BTRC: variants seen among roughly 807,000 people sequenced by gnomAD.
BTRC encodes the protein beta-transducin repeat containing E3 ubiquitin protein ligase.
Under a neutral mutation model 85.5 loss-of-function variants are expected in BTRC, and 42 were observed. The ratio of observed to expected loss-of-function variants is 0.49; its 90% CI spans 0.38 to 0.64. BTRC has a LOEUF of 0.64. Ranked by LOEUF, BTRC falls within the 30% of genes least tolerant of loss-of-function variation. BTRC has a pLI of 0.00. For synonymous variants in BTRC, 255 were observed against 263.3 expected (o/e 0.97, Z 0.30); for missense variants, 594 against 743.5 (o/e 0.80, Z 2.34).
chr10:101,503,040 A>G (rs1225817241), intron 4 of BTRC, among the ~76,000 whole-genome samples: 1 of 152,184 alleles, frequency 6.6e-6, no homozygotes, highest in Non-Finnish European at 1.5e-5. Flanking sequence ...TAAGTATTGT[A>G]ACTATCACCA....
chr10:101,497,045 T>C (rs1046039374), intron 4 of BTRC, among the ~76,000 whole-genome samples: 7 of 152,248 alleles, frequency 4.6e-5, no homozygotes. Flanking sequence ...ATCTAGTTTT[T>C]ATGGTTTTAC....
chr10:101,476,162 G>T (rs1945681920), intron 3 of BTRC, among the ~76,000 whole-genome samples: 2 of 151,678 alleles, frequency 1.3e-5, no homozygotes, highest in Admixed American at 6.6e-5. Context: ...CCAACTTGAG[G>T]CACAGTCTGT....
At chr10:101,552,835 C>T (rs2062673049) in intron 14 of BTRC, among the ~76,000 whole-genome samples, 2 of 152,196 alleles carry the variant, frequency 1.3e-5, no homozygotes, top group Admixed American at 1.3e-4. Flanking sequence ...CAGACCATCC[C>T]CCACCCCTGC....
chr10:101,354,573 G>A, intron 1 of BTRC: 1 of 330,670 alleles, frequency 3.0e-6, no homozygotes, highest in Non-Finnish European at 5.5e-6. Context: ...AACGCCGTGA[G>A]GCCGCTGGCG....
At chr10:101,525,249 G>A (rs371019287) in intron 5 of BTRC, among the ~76,000 whole-genome samples, 1 of 152,108 alleles carries the variant, frequency 6.6e-6, no homozygotes, top group Non-Finnish European at 1.5e-5. Context: ...CCCAAGATCT[G>A]TTCTCCACTG....
chr10:101,531,360 T>G, intron 7 of BTRC, 27 bp downstream of exon 7: 2 of 1,491,892 alleles, frequency 1.3e-6, no homozygotes, highest in Non-Finnish European at 1.9e-6. Context: ...TTTGGGGTAT[T>G]GCCCAAGGGC....
chr10:101,424,600 C>T lies in BTRC; in HGVS notation c.49-5745C>T, dbSNP rs929444857. Among the ~76,000 whole-genome samples, 9 of 152,280 alleles carry T rather than the reference C, an allele frequency of 5.9e-5. 1 individual carries two copies. Among genetic ancestry groups the T allele is most frequent in the East Asian group, 5.8e-4 (3 of 5,186 alleles). ...TTAGGAGATTTTGTCATTCAGCTTT[C>T]GTATAGTAAATGCTGAGGCTAGCCC... On this transcript the variant is annotated intron_variant, in intron 1 of 14. Transcript: ENST00000370187.
chr10:101,539,082 A>G (rs1463514327), intron 13 of BTRC, among the ~76,000 whole-genome samples: 2 of 151,192 alleles, frequency 1.3e-5, no homozygotes, highest in African/African-American at 4.8e-5. Flanking sequence ...GGGAATCTGC[A>G]TGAATCCCCC....
intron 1 of BTRC, among the ~76,000 whole-genome samples, chr10:101,364,465 T>G (rs1942305795): frequency 6.6e-6 from 1 of 151,670 alleles, no homozygotes; most frequent in Non-Finnish European, 1.5e-5. Context: ...AGGTCATACA[T>G]AATAACCCAA....
chr10:101,406,459 C>T (rs556099198), intron 1 of BTRC, among the ~76,000 whole-genome samples: 13 of 150,840 alleles, frequency 8.6e-5, no homozygotes, highest in South Asian at 6.4e-4. Flanking sequence ...CCACTGCACC[C>T]GGCCTACTGC....
chr10:101,402,602 G>T (rs1329394886), intron 1 of BTRC, among the ~76,000 whole-genome samples: 1 of 152,170 alleles, frequency 6.6e-6, no homozygotes, highest in Non-Finnish European at 1.5e-5. Flanking sequence ...AAGTATTATA[G>T]ATGGACTTAA....
chr10:101,485,010 C>T lies in BTRC; in HGVS notation c.324+5553C>T, dbSNP rs146182312. Among the ~76,000 whole-genome samples, 465 of 152,218 alleles carry T rather than the reference C, an allele frequency of 3.1e-3. 2 individuals carry two copies. The highest frequency in any genetic ancestry group is 0.011 in the African/African-American group (445 of 41,518). On this transcript the variant is annotated intron_variant, in intron 4 of 14. Coordinates refer to ENST00000370187, the MANE Select transcript of BTRC (RefSeq NM_033637.4). ...TACATTTTCTTCTAGATGTGCGTGC[C>T]GTTTAAGAAAAATACAGACATGGGG...
intron 3 of BTRC, among the ~76,000 whole-genome samples, chr10:101,479,110 G>GT (rs1945770534): frequency 6.6e-6 from 1 of 152,118 alleles, no homozygotes; most frequent in South Asian, 2.1e-4. Context: ...TACATAATCA[G>GT]TACCCCCAGC....
At chr10:101,415,717 T>C (rs930307509) in intron 1 of BTRC, among the ~76,000 whole-genome samples, 1 of 151,200 alleles carries the variant, frequency 6.6e-6, no homozygotes, top group Non-Finnish European at 1.5e-5. Flanking sequence ...AATTTTGTAT[T>C]TTTAGTAGAG....
intron 1 of BTRC, among the ~76,000 whole-genome samples, chr10:101,405,887 G>A (rs1208287030): frequency 6.6e-6 from 1 of 152,160 alleles, no homozygotes. Context: ...TGTAGCAAGT[G>A]TGCTTGAAAA....
At chr10:101,424,618 G>A (rs913245788) in intron 1 of BTRC, among the ~76,000 whole-genome samples, 14 of 152,124 alleles carry the variant, frequency 9.2e-5, no homozygotes, top group African/African-American at 3.1e-4. Flanking sequence ...AAATGCTGAG[G>A]CTAGCCCTTT....
intron 4 of BTRC, among the ~76,000 whole-genome samples, chr10:101,497,334 C>T (rs2134278715): frequency 6.6e-6 from 1 of 152,276 alleles, no homozygotes; most frequent in East Asian, 1.9e-4. Flanking sequence ...CCAATATTTA[C>T]CAGCTGTGTG....
At chr10:101,364,610 G>C (rs1190229457) in intron 1 of BTRC, among the ~76,000 whole-genome samples, 1 of 152,182 alleles carries the variant, frequency 6.6e-6, no homozygotes, top group Non-Finnish European at 1.5e-5. Context: ...CATAGAGACA[G>C]ATATCCAGGA....
intron 2 of BTRC, among the ~76,000 whole-genome samples, chr10:101,442,877 A>ATC (rs1944723894): frequency 6.8e-6 from 1 of 147,118 alleles, no homozygotes; most frequent in Non-Finnish European, 1.5e-5. Flanking sequence ...AGTTGTACAG[A>ATC]TCTCACTTGC....
Sources: gnomAD v4.1 joint callset for allele counts (sites outside exome capture counted in the v4.1 genomes callset) on GRCh38, gnomAD v4.1.1 for gene constraint, MANE v1.5 for transcripts, NCBI Gene and HGNC (gene_info 2026-07-23, HGNC 2026-07-21) for gene names.